Variants in HELZ observed in about 807,000 individuals in gnomAD.
The protein encoded by HELZ is ATP-dependent RNA helicase with zinc finger domain.
A neutral mutation model predicts 218.2 loss-of-function variants in HELZ; 23 were observed. The ratio of observed to expected loss-of-function variants is 0.11; its 90% CI spans 0.08 to 0.15. The LOEUF is 0.15. Among genes scored for constraint, HELZ ranks in the 10% least tolerant of loss-of-function variants. The pLI, the probability that HELZ is intolerant of heterozygous loss-of-function variation, is 1.00. For synonymous variants in HELZ, 814 were observed against 829.4 expected, an observed-to-expected ratio of 0.98 and a Z score of 0.32; for missense variants, 1,813 against 2,353.7, an observed-to-expected ratio of 0.77 and a Z score of 4.75.
At chr17:67,225,089 A>T in intron 3 of HELZ, 1 of 510,596 alleles carries the variant, frequency 2.0e-6, no homozygotes, top group East Asian at 4.2e-5. Flanking sequence ...TTTATGTTTA[A>T]AAAATTACAT....
chr17:67,235,134 T>C (rs2143466108), intron 3 of HELZ, among the ~76,000 whole-genome samples: 1 of 152,290 alleles, frequency 6.6e-6, no homozygotes, highest in Middle Eastern at 3.4e-3. Context: ...GGGTGTGCCA[T>C]GGCACACTGG....
intron 5 of HELZ, among the ~76,000 whole-genome samples, chr17:67,209,017 A>C (rs113289446): frequency 0.21 from 26,598 of 128,228 alleles, 2,689 homozygotes; most frequent in African/African-American, 0.3. Context: ...GGAAGGAAGG[A>C]AGGAAGGAAG....
intron 18 of HELZ, 120 bp downstream of exon 18, chr17:67,150,926 C>T: frequency 1.3e-6 from 1 of 781,760 alleles, no homozygotes; most frequent in Non-Finnish European, 2.1e-6. Context: ...GCCAGTAAAA[C>T]TTTATTTACA....
At chr17:67,127,416 T>C (rs1007175585) in intron 24 of HELZ, among the ~76,000 whole-genome samples, 1 of 152,224 alleles carries the variant, frequency 6.6e-6, no homozygotes, top group Admixed American at 6.5e-5. Context: ...ACAAGTATTA[T>C]TGCACATTAG....
At chr17:67,189,739 G>T in intron 10 of HELZ, 43 bp from the exon 11 acceptor site, 15 of 1,241,368 alleles carry the variant, frequency 1.2e-5, no homozygotes, top group Non-Finnish European at 1.8e-5. Flanking sequence ...TATTGCTAAG[G>T]GCACAAACAA....
intron 27 of HELZ, among the ~76,000 whole-genome samples, chr17:67,118,020 A>T (rs1333758481): frequency 6.6e-6 from 1 of 152,244 alleles, no homozygotes; most frequent in East Asian, 1.9e-4. Context: ...AAGGCTTTTT[A>T]GTAGGAATTG....
rs2039074915 is a variant in HELZ, at chr17:67,164,273, G to A, written c.1895+2205C>T. 4.6e-5 allele frequency among the ~76,000 whole-genome samples: 7 copies of A among 152,330 alleles called. No individual in the cohort carries two copies. In the South Asian group the frequency reaches 1.5e-3, roughly 32 times the overall value. The stretch of plus-strand genomic sequence containing the variant: ...AAACACAAAACTGAGCCTAGCGCAT[G>A]TCAGGCACTCAATAAATAGTTGTTA... On this transcript the variant is annotated intron_variant, in intron 15 of 32. Coordinates refer to ENST00000358691, the MANE Select transcript of HELZ (RefSeq NM_014877.4).
chr17:67,142,648 ACCATGCAAACAGCAAC>A (rs1240395202), intron 21 of HELZ, among the ~76,000 whole-genome samples: 1 of 152,228 alleles, frequency 6.6e-6, no homozygotes, highest in Non-Finnish European at 1.5e-5. Context: ...AAAAAGATAT[ACCATGCAAACAGCAAC>A]TATAAACAAG....
chr17:67,075,687 T>C lies in HELZ; in HGVS notation c.*2565A>G, dbSNP rs545732103. On this transcript the variant is annotated 3_prime_UTR_variant, in exon 33 of 33. Transcript: ENST00000358691. ...AAGCATGGTTGGAAAGATGGCATTA[T>C]GTAATGCTGAGGAAGAGTAAGCTTG... 6.6e-6 allele frequency: 1 copy of C among 152,316 alleles called. No homozygotes were observed. The highest frequency in any genetic ancestry group is 2.1e-4 in the South Asian group (1 of 4,828). The allele number at this position is 152,316 out of a possible 1,614,324, so 9.4% of individuals were successfully genotyped here.
At chr17:67,084,281 G>A (rs1229785926) in intron 32 of HELZ, among the ~76,000 whole-genome samples, 1 of 152,162 alleles carries the variant, frequency 6.6e-6, no homozygotes, top group African/African-American at 2.4e-5. Context: ...CAAATGACAT[G>A]AGCATTTGCT....
chr17:67,207,103 C>T (rs1223811555), intron 5 of HELZ, among the ~76,000 whole-genome samples: 1 of 141,706 alleles, frequency 7.1e-6, no homozygotes, highest in Non-Finnish European at 1.5e-5. Flanking sequence ...GTAGAGACGG[C>T]GGTTCTCCAT....
At chr17:67,081,072 C>T (rs2036174181) in intron 32 of HELZ, among the ~76,000 whole-genome samples, 1 of 152,170 alleles carries the variant, frequency 6.6e-6, no homozygotes, top group African/African-American at 2.4e-5. Flanking sequence ...ATTTCTGTGT[C>T]ATCTCTAGCT....
At chr17:67,215,811 TATC>T in intron 5 of HELZ, 85 bp downstream of exon 5, 3 of 880,372 alleles carry the variant, frequency 3.4e-6, no homozygotes, top group East Asian at 2.6e-5. Flanking sequence ...TTTCAAACAT[TATC>T]ATCATTTTTG....
chr17:67,155,899 G>A (rs1420648608), intron 17 of HELZ, among the ~76,000 whole-genome samples: 1 of 149,752 alleles, frequency 6.7e-6, no homozygotes, highest in Non-Finnish European at 1.5e-5. Flanking sequence ...ACCAAATTAA[G>A]ACATAACAGT....
chr17:67,190,502 A>C, intron 9 of HELZ, 147 bp from the exon 10 acceptor site: 1 of 630,068 alleles, frequency 1.6e-6, no homozygotes, highest in Non-Finnish European at 2.8e-6. Context: ...TGTACAAAGG[A>C]GGGAGAAGAG....
chr17:67,116,626 C>G (rs759108893), intron 27 of HELZ, among the ~76,000 whole-genome samples: 1 of 151,964 alleles, frequency 6.6e-6, no homozygotes, highest in African/African-American at 2.4e-5. Context: ...TAACGATAAA[C>G]GAGTTAATTA....
At chr17:67,166,759 A>G (rs1187966335) in intron 14 of HELZ, 151 bp from the exon 15 acceptor site, 7 of 632,474 alleles carry the variant, frequency 1.1e-5, no homozygotes, top group African/African-American at 3.7e-5. Flanking sequence ...ATTATGATGA[A>G]TAATATTTGC....
At chr17:67,196,772 C>T (rs1362633284) in intron 7 of HELZ, among the ~76,000 whole-genome samples, 1 of 152,166 alleles carries the variant, frequency 6.6e-6, no homozygotes, top group Non-Finnish European at 1.5e-5. Flanking sequence ...TTCTTCAGTG[C>T]TCCTTATCAC....
Position 67,107,479 on chromosome 17 carries a change from G to T in HELZ, c.4931C>A (p.Ala1644Asp), listed in dbSNP as rs1034891005. Residue 1644 changes from alanine to aspartate, a missense_variant, in exon 31 of 33, where the codon GCC becomes GAC. By Grantham distance (126) the Ala-to-Asp change is moderately radical. This residue lies in a region of HELZ where 938 missense variants were observed against 1,027.5 expected (regional missense o/e 0.91). Transcript: ENST00000358691. ...GCGCTGTGGAAATGCTGGGTTGCTG[G>T]CTACTTCAATGTCTCTGCTGTTATC... ...FNDNSRDIEV[A>D]SNPAFPQRLP... 1.2e-6 allele frequency: 2 copies of T among 1,614,180 alleles called. No homozygotes were observed. Among genetic ancestry groups the T allele is most frequent in the Non-Finnish European group, 1.7e-6 (2 of 1,180,038 alleles).
Sources: allele counts gnomAD v4.1 joint callset (sites outside exome capture counted in the v4.1 genomes callset), GRCh38; gene constraint gnomAD v4.1.1; regional missense constraint gnomAD v4.1.1; transcripts MANE v1.5; gene names NCBI Gene and HGNC (gene_info 2026-07-23, HGNC 2026-07-21).